Variants in LPA observed in about 807,000 individuals in gnomAD.
LPA encodes apolipoprotein(a).
LPA carries 199 observed loss-of-function variants against 197.9 expected under a neutral mutation model. The observed-to-expected ratio is 1.01, with a 90% CI of 0.90 to 1.13. LPA has a LOEUF of 1.13. LPA is among the 50% of genes most tolerant of loss of function. The pLI, the probability that LPA is intolerant of heterozygous loss-of-function variation, is 0.00. For missense variants in LPA, 1,853 were observed against 1,785.8 expected, an observed-to-expected ratio of 1.04 and a Z score of -0.68; for synonymous variants, 715 against 639.5, an observed-to-expected ratio of 1.12 and a Z score of -1.78.
At chr6:160,662,789 TA>T (rs1237626390) in intron 1 of LPA, among the ~76,000 whole-genome samples, 2 of 152,346 alleles carry the variant, frequency 1.3e-5, no homozygotes, top group East Asian at 3.9e-4. Flanking sequence ...AGTCAACTTG[TA>T]AAATTTTATC....
intron 33 of LPA, 106 bp from the exon 34 acceptor site, chr6:160,542,914 G>A (rs866409358): frequency 4.8e-6 from 7 of 1,470,700 alleles, no homozygotes; most frequent in African/African-American, 1.4e-5. Context: ...TCTCAAAGGT[G>A]AAATTAAATG....
intron 35 of LPA, 96 bp downstream of exon 35, chr6:160,541,011 G>A: frequency 9.9e-7 from 1 of 1,013,338 alleles, no homozygotes; most frequent in Admixed American, 1.8e-5. Context: ...TGGGGAGGAA[G>A]GAAGGGGAGG....
Position 160,605,554 on chromosome 6 carries a change from A to C in LPA, c.2786-349T>G, listed in dbSNP as rs761522713. Among the ~76,000 whole-genome samples the C allele has an allele frequency of 1.3e-4, 20 of 152,346 alleles. 1 individual carries two copies. The Middle Eastern group carries it at 0.027, about 207-fold the overall frequency. ...TTATGGGAATTTCTACTGAATGTTCATGAGGACTATGGGGCAGCAAACAGC... is the reference window on the plus strand; with the variant it reads ...TTATGGGAATTTCTACTGAATGTTCCTGAGGACTATGGGGCAGCAAACAGC... On this transcript the variant is annotated intron_variant, in intron 17 of 38. Transcript: ENST00000316300.
At position 160,605,972 on chromosome 6, in the gene LPA, A is replaced by G. The variant is rs41270980; in HGVS notation, c.2785+505T>C. Reference sequence around the variant, plus strand: ...TGACTGAGGAAGTCCTGAAACATAGATCATTGGGAGTTCATGTACTGCTCC... The same window carrying G: ...TGACTGAGGAAGTCCTGAAACATAGGTCATTGGGAGTTCATGTACTGCTCC... On this transcript the variant is annotated intron_variant, in intron 17 of 38. Transcript: ENST00000316300. 8.6e-3 allele frequency among the ~76,000 whole-genome samples: 1,304 copies of G among 152,272 alleles called. 18 individuals are homozygous for G. The highest frequency in any genetic ancestry group is 0.03 in the African/African-American group (1,256 of 41,550).
At position 160,578,542 on chromosome 6, in the gene LPA, T is replaced by A. The variant is rs750237739; in HGVS notation, c.4452A>T (p.Thr1484=). The stretch of plus-strand genomic sequence containing the variant: ...TCTTACCTTGTTCAGAAGGAGCCTC[T>A]GTGCTTGGAACCGGGGCCACTGTGG... ...TTPTVAPVPS[T]EAPSEQAPPE... Residue 1484 remains threonine (T), a synonymous_variant, in exon 27 of 39, where the codon ACA becomes ACT. Coordinates refer to ENST00000316300, the MANE Select transcript of LPA (RefSeq NM_005577.4). 6.2e-7 allele frequency: 1 copy of A among 1,613,914 alleles called. No individual in the cohort carries two copies.
At position 160,650,320 on chromosome 6, in the gene LPA, G is replaced by C; in HGVS notation, c.209+18C>G. Reference sequence around the variant, plus strand: ...TTACTTGGACCTTGTTTTGCTTACTGTAAGATTAATGACATACGCATTTGG... The same window carrying C: ...TTACTTGGACCTTGTTTTGCTTACTCTAAGATTAATGACATACGCATTTGG... On this transcript the variant is annotated intron_variant, in intron 2 of 38. Transcript: ENST00000316300. 2 of 1,612,168 alleles carry C rather than the reference G, an allele frequency of 1.2e-6. No individual in the cohort carries two copies. The highest frequency in any genetic ancestry group is 1.7e-6 in the Non-Finnish European group (2 of 1,179,164).
rs1391993334 is a variant in LPA, at chr6:160,605,038, A to T, written c.2945+8T>A. On this transcript the variant is annotated splice_region_variant and intron_variant, in intron 18 of 38. Transcript: ENST00000316300. ...TTCCTTCACTTATGGTAAAGAAAAT[A>T]GACATACGCATTTGGGTAGTATGCT... 31 of 1,613,356 alleles carry T rather than the reference A, an allele frequency of 1.9e-5. 1 individual carries two copies. In the Admixed American group the frequency reaches 5.2e-4, roughly 27 times the overall value.
intron 34 of LPA, among the ~76,000 whole-genome samples, chr6:160,541,923 G>A (rs892563243): frequency 6.6e-6 from 1 of 152,202 alleles, no homozygotes; most frequent in African/African-American, 2.4e-5. Context: ...AGTGAAATGC[G>A]ATGCGATCAG....
chr6:160,611,167 A>G (rs545723667), intron 16 of LPA, among the ~76,000 whole-genome samples: 109 of 152,252 alleles, frequency 7.2e-4, no homozygotes, highest in African/African-American at 2.5e-3. Flanking sequence ...AACTTTCCTC[A>G]TGAGCCCAGA....
chr6:160,606,357 C>T (rs1327413640), intron 17 of LPA, 120 bp downstream of exon 17: 17 of 1,428,014 alleles, frequency 1.2e-5, no homozygotes, highest in East Asian at 2.3e-5. Flanking sequence ...TCCTACATGA[C>T]AGAACTCAGT....
chr6:160,611,427 T>A, intron 16 of LPA, 135 bp downstream of exon 16: 1 of 1,500,610 alleles, frequency 6.7e-7, no homozygotes, highest in South Asian at 1.1e-5. Context: ...TCCAAGGAAA[T>A]CATCCTGAGA....
chr6:160,576,682 G>GTATATA (rs1173432219), intron 28 of LPA, among the ~76,000 whole-genome samples: 12 of 94,926 alleles, frequency 1.3e-4, no homozygotes, highest in African/African-American at 5.0e-4. Context: ...GTGTGTGTGT[G>GTATATA]TGTGTGTGTA....
intron 20 of LPA, among the ~76,000 whole-genome samples, chr6:160,598,156 C>T (rs564881801): frequency 9.2e-4 from 140 of 152,310 alleles, no homozygotes; most frequent in Non-Finnish European, 1.4e-3. Flanking sequence ...TGAGCTCTGT[C>T]ACCTTTATTA....
intron 20 of LPA, among the ~76,000 whole-genome samples, chr6:160,599,064 C>T (rs745695731): frequency 3.3e-5 from 5 of 152,212 alleles, no homozygotes; most frequent in African/African-American, 4.8e-5. Flanking sequence ...GTCTTCTCAG[C>T]CAGGCACGGT....
At chr6:160,587,751 TTGTGTGTGTGTGTGTGTGTGTG>T (rs67979615) in intron 24 of LPA, among the ~76,000 whole-genome samples, 12 of 125,382 alleles carry the variant, frequency 9.6e-5, no homozygotes, top group Admixed American at 1.6e-4. Flanking sequence ...GGTTCAGTCT[TTGTGTGTGTGTGTGTGTGTGTG>T]TGTGTGTGTG....
chr6:160,570,987 C>A (rs562794773), intron 28 of LPA, among the ~76,000 whole-genome samples: 1 of 152,168 alleles, frequency 6.6e-6, no homozygotes, highest in Non-Finnish European at 1.5e-5. Context: ...TTCCATTCTC[C>A]CATCACTTTC....
Position 160,548,651 on chromosome 6 carries a change from G to A in LPA, c.4982C>T (p.Thr1661Ile). Residue 1661 changes from threonine (T) to isoleucine (I), a missense_variant, in exon 31 of 39, where the codon ACA becomes ATA. Physicochemically the swap from Thr to Ile is moderately conservative, Grantham distance 89. Transcript: ENST00000316300. The part of the protein sequence containing the change: ...TPENYPNDGL[T>I]MNYCRNPDAD... ...ATCTGGATTCCTGCAGTAGTTCATT[G>A]TCAGGCCACTGGAAATTCCAAAGCA... 1 of 1,614,018 alleles carries A rather than the reference G, an allele frequency of 6.2e-7. No homozygotes were observed.
intron 24 of LPA, among the ~76,000 whole-genome samples, chr6:160,587,793 G>GTT (rs1778941683): frequency 7.8e-6 from 1 of 128,476 alleles, no homozygotes; most frequent in Non-Finnish European, 1.7e-5. Context: ...GTGTGTGTGT[G>GTT]TGTGTGTTTC....
At chr6:160,552,139 T>C (rs550552221) in intron 30 of LPA, among the ~76,000 whole-genome samples, 15 of 152,336 alleles carry the variant, frequency 9.8e-5, no homozygotes, top group Middle Eastern at 3.4e-3. Context: ...CTTGAACATC[T>C]GGGCTCAAGC....
Sources: allele counts gnomAD v4.1 joint callset (sites outside exome capture counted in the v4.1 genomes callset), GRCh38; gene constraint gnomAD v4.1.1; transcripts MANE v1.5; gene names NCBI Gene and HGNC (gene_info 2026-07-23, HGNC 2026-07-21).